Variants in FRMD5 observed in about 807,000 individuals in gnomAD.
The protein encoded by FRMD5 is FERM domain containing 5, also known as FERM domain-containing protein 5.
FRMD5 carries 20 observed loss-of-function variants against 69.0 expected under a neutral mutation model. The ratio of observed to expected loss-of-function variants is 0.29; its 90% CI spans 0.20 to 0.42. The LOEUF (loss-of-function observed/expected upper bound fraction) is 0.42. Ranked by LOEUF, FRMD5 falls within the 10% of genes least tolerant of loss-of-function variation. FRMD5 has a pLI of 1.00. For missense variants in FRMD5, 595 were observed against 708.6 expected, an observed-to-expected ratio of 0.84 and a Z score of 1.82; for synonymous variants, 271 against 260.1, an observed-to-expected ratio of 1.04 and a Z score of -0.40.
intron 1 of FRMD5, among the ~76,000 whole-genome samples, chr15:44,057,261 A>C (rs1005008729): frequency 1.3e-5 from 2 of 151,384 alleles, no homozygotes; most frequent in Middle Eastern, 3.2e-3. Flanking sequence ...AGTAGCCACC[A>C]CGCCTGGCTA....
At chr15:43,963,639 A>G (rs2090242784) in intron 1 of FRMD5, among the ~76,000 whole-genome samples, 1 of 152,224 alleles carries the variant, frequency 6.6e-6, no homozygotes, top group Admixed American at 6.5e-5. Flanking sequence ...TCACAATAGC[A>G]AAGACTTGGA....
chr15:44,087,709 T>C (rs569086303), intron 1 of FRMD5, among the ~76,000 whole-genome samples: 6 of 151,782 alleles, frequency 4.0e-5, no homozygotes, highest in Admixed American at 1.3e-4. Context: ...GCCTGAAGCA[T>C]AGAAAGTGCT....
chr15:44,155,500 G>A (rs1170310439), intron 1 of FRMD5, among the ~76,000 whole-genome samples: 1 of 151,990 alleles, frequency 6.6e-6, no homozygotes, highest in Non-Finnish European at 1.5e-5. Context: ...TATTAAAGCT[G>A]AATATAAGCA....
intron 13 of FRMD5, 126 bp from the exon 14 acceptor site, chr15:43,874,588 A>T: frequency 1.5e-6 from 1 of 687,214 alleles, no homozygotes. Flanking sequence ...TAGCCACTGC[A>T]CTCTATTTTG....
At chr15:44,082,605 C>T (rs762601102) in intron 1 of FRMD5, among the ~76,000 whole-genome samples, 4 of 151,916 alleles carry the variant, frequency 2.6e-5, no homozygotes, top group Non-Finnish European at 5.9e-5. Flanking sequence ...AATCAGTTTC[C>T]ACAAACAGTC....
intron 1 of FRMD5, among the ~76,000 whole-genome samples, chr15:43,963,963 G>A (rs968741869): frequency 3.3e-5 from 5 of 151,956 alleles, no homozygotes; most frequent in Admixed American, 6.6e-5. Context: ...GCTAAATGAC[G>A]AGTTAATGGG....
chr15:43,971,894 G>C (rs921161410), intron 1 of FRMD5, among the ~76,000 whole-genome samples: 2 of 150,070 alleles, frequency 1.3e-5, no homozygotes, highest in Non-Finnish European at 3.0e-5. Flanking sequence ...TTTTAGTAGA[G>C]ACAGGGTTTA....
intron 1 of FRMD5, among the ~76,000 whole-genome samples, chr15:44,054,983 T>G (rs1003053925): frequency 1.3e-5 from 2 of 148,702 alleles, no homozygotes; most frequent in African/African-American, 5.0e-5. Flanking sequence ...GGCAGGAGAA[T>G]AGCTTGAACC....
intron 1 of FRMD5, among the ~76,000 whole-genome samples, chr15:44,148,855 A>G (rs1305297094): frequency 6.6e-6 from 1 of 152,208 alleles, no homozygotes; most frequent in African/African-American, 2.4e-5. Context: ...CAAATCCACA[A>G]TATCTCAAAG....
rs1256763240 is a variant in FRMD5 at position 44,130,931 on chromosome 15, T to C, written c.102+64022A>G. ...AGCAAAAAATAAGTAAATAAATAAA[T>C]AATTTGTTTTCTTTGACACAGATGA... On this transcript the variant is annotated intron_variant, in intron 1 of 13. Coordinates refer to ENST00000417257, the MANE Select transcript of FRMD5 (RefSeq NM_032892.5). 5.3e-5 allele frequency among the ~76,000 whole-genome samples: 8 copies of C among 152,260 alleles called. No individual in the cohort carries two copies. The East Asian group carries it at 1.5e-3, about 29-fold the overall frequency.
chr15:44,013,857 C>CTTTT lies in FRMD5; in HGVS notation c.103-89552_103-89549dup, dbSNP rs3040909. ...TGATGCAAGTATCTGGAGACACCTT[C>CTTTT]TTTTTTTTTTTTTTTTTGAGACAGA... On this transcript the variant is annotated intron_variant, in intron 1 of 13. Coordinates refer to ENST00000417257, the MANE Select transcript of FRMD5 (RefSeq NM_032892.5). Among the ~76,000 whole-genome samples the CTTTT allele has an allele frequency of 5.8e-4, 76 of 131,544 alleles. 4 individuals are homozygous for CTTTT. Among genetic ancestry groups the CTTTT allele is most frequent in the African/African-American group, 1.7e-3 (59 of 35,324 alleles). 86.3% of individuals were successfully genotyped at this position (131,544 alleles called of 152,430 possible). A position where few individuals can be genotyped will look rare whatever the true frequency, so the allele number is the denominator to read the frequency against.
intron 1 of FRMD5, among the ~76,000 whole-genome samples, chr15:44,122,205 G>A (rs2076962546): frequency 6.6e-6 from 1 of 152,042 alleles, no homozygotes; most frequent in Admixed American, 6.5e-5. Flanking sequence ...GAGACAAACT[G>A]TTAATGGTAA....
chr15:44,114,582 C>T (rs1379388696), intron 1 of FRMD5, among the ~76,000 whole-genome samples: 1 of 152,164 alleles, frequency 6.6e-6, no homozygotes, highest in African/African-American at 2.4e-5. Context: ...GCATATTTAT[C>T]AAGAGCCATG....
chr15:43,935,220 C>A (rs2089739199), intron 1 of FRMD5, among the ~76,000 whole-genome samples: 1 of 152,236 alleles, frequency 6.6e-6, no homozygotes, highest in African/African-American at 2.4e-5. Flanking sequence ...TGGCTCCCGC[C>A]TGTAATCCCA....
At chr15:44,028,581 T>C (rs1253779005) in intron 1 of FRMD5, among the ~76,000 whole-genome samples, 1 of 152,128 alleles carries the variant, frequency 6.6e-6, no homozygotes, top group Non-Finnish European at 1.5e-5. Context: ...TGAGCCCCCA[T>C]AGTTCCCATA....
intron 13 of FRMD5, among the ~76,000 whole-genome samples, chr15:43,882,598 A>G (rs2088560371): frequency 6.6e-6 from 1 of 151,624 alleles, no homozygotes; most frequent in African/African-American, 2.4e-5. Context: ...ACCTTAGGTG[A>G]TCCACCCACC....
intron 1 of FRMD5, among the ~76,000 whole-genome samples, chr15:44,044,214 C>T (rs953378440): frequency 2.0e-5 from 3 of 152,124 alleles, no homozygotes; most frequent in African/African-American, 7.2e-5. Flanking sequence ...ATCAAAACCA[C>T]AATGAGATAC....
At chr15:44,088,896 C>A (rs1386956626) in intron 1 of FRMD5, among the ~76,000 whole-genome samples, 2 of 152,220 alleles carry the variant, frequency 1.3e-5, no homozygotes, top group Non-Finnish European at 2.9e-5. Flanking sequence ...CCGTAAGACC[C>A]TAAGCCCCTA....
intron 1 of FRMD5, among the ~76,000 whole-genome samples, chr15:43,947,068 A>G (rs931522879): frequency 5.3e-5 from 8 of 152,258 alleles, no homozygotes; most frequent in Non-Finnish European, 7.3e-5. Flanking sequence ...AAAGGAACCT[A>G]CAGAAATGTC....
Sources: allele counts gnomAD v4.1 joint callset (sites outside exome capture counted in the v4.1 genomes callset), GRCh38; gene constraint gnomAD v4.1.1; transcripts MANE v1.5; gene names NCBI Gene and HGNC (gene_info 2026-07-23, HGNC 2026-07-21).